Variants in DPYSL2 observed in about 807,000 individuals in gnomAD.
The protein encoded by DPYSL2 is dihydropyrimidinase-related protein 2.
Under a neutral mutation model 69.9 loss-of-function variants are expected in DPYSL2, and 13 were observed. The observed-to-expected ratio is 0.19, with a 90% CI of 0.12 to 0.30. DPYSL2 has a LOEUF of 0.30. Among genes scored for constraint, DPYSL2 ranks in the 10% least tolerant of loss-of-function variants. The pLI is 1.00. For missense variants in DPYSL2, 587 were observed against 918.9 expected (o/e 0.64, Z 4.67); for synonymous variants, 326 against 359.1 (o/e 0.91, Z 1.04).
chr8:26,634,998 CA>C (rs1802876094), intron 8 of DPYSL2, 98 bp downstream of exon 8: 3 of 1,521,138 alleles, frequency 2.0e-6, no homozygotes, highest in Non-Finnish European at 2.7e-6. Flanking sequence ...ACCCTCATGC[CA>C]AGTGGGCCAC....
At chr8:26,581,323 T>A (rs1801488423) in intron 1 of DPYSL2, among the ~76,000 whole-genome samples, 1 of 152,156 alleles carries the variant, frequency 6.6e-6, no homozygotes, top group South Asian at 2.1e-4. Flanking sequence ...TTGTTGTTGT[T>A]TGTTTGTTTT....
Position 26,643,291 on chromosome 8 carries a change from T to G in DPYSL2, c.1127-148T>G. 1 of 820,460 alleles carries G rather than the reference T, an allele frequency of 1.2e-6. No homozygotes were observed. Among genetic ancestry groups the G allele is most frequent in the Non-Finnish European group, 1.8e-6 (1 of 550,588 alleles). 50.8% of individuals were successfully genotyped at this position (820,460 alleles called of 1,614,324 possible). A position where few individuals can be genotyped will look rare whatever the true frequency, so the allele number is the denominator to read the frequency against. ...GGTACTGAATTTCTCCAAGTCTCAGTTTCCTCATCTGCGAGATGAGCCTGA... is the reference window on the plus strand; with the variant it reads ...GGTACTGAATTTCTCCAAGTCTCAGGTTCCTCATCTGCGAGATGAGCCTGA... On this transcript the variant is annotated intron_variant, in intron 8 of 13. Transcript: ENST00000521913. This position sits in a 1 kb window ranked among gnomAD's most constrained non-coding sequence, Gnocchi z 6.5.
chr8:26,571,886 CA>C lies in DPYSL2; in HGVS notation c.355-10080del, dbSNP rs1801242196. On this transcript the variant is annotated intron_variant, in intron 1 of 13. Coordinates refer to ENST00000521913, the MANE Select transcript of DPYSL2 (RefSeq NM_001197293.3). This position sits in a 1 kb window ranked among gnomAD's most constrained non-coding sequence, Gnocchi z 6.1. The stretch of plus-strand genomic sequence containing the variant: ...CTCTGACCCTTCAGAGCTACACACA[CA>C]AAGAAAACGATCGTCATTGCCTGAT... Among the ~76,000 whole-genome samples the C allele has an allele frequency of 6.6e-6, 1 of 152,330 alleles. No individual in the cohort carries two copies. The highest frequency in any genetic ancestry group is 2.1e-4 in the South Asian group (1 of 4,826).
At position 26,560,183 on chromosome 8, in the gene DPYSL2, C is replaced by A. The variant is rs1211827074; in HGVS notation, c.355-21786C>A. Among the ~76,000 whole-genome samples, 3 of 152,164 alleles carry A rather than the reference C, an allele frequency of 2.0e-5. No individual in the cohort carries two copies. Among genetic ancestry groups the A allele is most frequent in the Non-Finnish European group, 1.5e-5 (1 of 68,024 alleles). ...ACGCGACCATTCCCGACGGCCTTGGCAGCTCACTCTGCCTGAACCTGGGTG... is the reference window on the plus strand; with the variant it reads ...ACGCGACCATTCCCGACGGCCTTGGAAGCTCACTCTGCCTGAACCTGGGTG... On this transcript the variant is annotated intron_variant, in intron 1 of 13. Transcript: ENST00000521913. The surrounding 1 kb of genome is among the most constrained non-coding windows in gnomAD (Gnocchi z 4.4).
chr8:26,542,358 T>C (rs1012196666), intron 1 of DPYSL2, among the ~76,000 whole-genome samples: 10 of 152,160 alleles, frequency 6.6e-5, no homozygotes, highest in African/African-American at 1.4e-4. Flanking sequence ...GATCAAGTCA[T>C]ATGCTGTCTA....
At chr8:26,622,359 A>T (rs542048845) in intron 3 of DPYSL2, among the ~76,000 whole-genome samples, 105 of 152,082 alleles carry the variant, frequency 6.9e-4, no homozygotes, top group African/African-American at 2.5e-3. Context: ...GATACCAGAT[A>T]TGTGTGTACC....
At chr8:26,572,173 T>G (rs1376790192) in intron 1 of DPYSL2, among the ~76,000 whole-genome samples, 1 of 152,198 alleles carries the variant, frequency 6.6e-6, no homozygotes, top group Non-Finnish European at 1.5e-5. Flanking sequence ...TTCTGAACAT[T>G]GCACTAACGC....
chr8:26,540,630 G>T (rs1800664336), intron 1 of DPYSL2, among the ~76,000 whole-genome samples: 1 of 152,148 alleles, frequency 6.6e-6, no homozygotes, highest in Admixed American at 6.5e-5. Context: ...TTTAGGCCAG[G>T]CATGGTGGCT....
At chr8:26,520,800 A>G (rs980149235) in intron 1 of DPYSL2, among the ~76,000 whole-genome samples, 5 of 152,166 alleles carry the variant, frequency 3.3e-5, no homozygotes, top group Non-Finnish European at 7.3e-5. Context: ...GGGAAGTCTA[A>G]GATCAATATG....
At chr8:26,570,642 G>A (rs998288089) in intron 1 of DPYSL2, among the ~76,000 whole-genome samples, 2 of 149,856 alleles carry the variant, frequency 1.3e-5, no homozygotes, top group Non-Finnish European at 3.0e-5. Flanking sequence ...GCTGAGGCAT[G>A]AGAATCACTT....
At chr8:26,568,903 A>G (rs544145687) in intron 1 of DPYSL2, among the ~76,000 whole-genome samples, 1 of 151,342 alleles carries the variant, frequency 6.6e-6, no homozygotes, top group East Asian at 1.9e-4. Flanking sequence ...TCATGATTGG[A>G]CCTCCAGGCA....
intron 3 of DPYSL2, among the ~76,000 whole-genome samples, chr8:26,592,769 G>A (rs995159536): frequency 7.2e-5 from 11 of 152,190 alleles, no homozygotes. Flanking sequence ...GTCCCACTGT[G>A]CCCGGCCGGT....
intron 1 of DPYSL2, among the ~76,000 whole-genome samples, chr8:26,538,836 A>G (rs1442382566): frequency 6.6e-6 from 1 of 152,204 alleles, no homozygotes; most frequent in African/African-American, 2.4e-5. Flanking sequence ...TGGGCATGAC[A>G]TTCCCCCAGT....
At chr8:26,530,128 A>T (rs1297013828) in intron 1 of DPYSL2, among the ~76,000 whole-genome samples, 1 of 151,316 alleles carries the variant, frequency 6.6e-6, no homozygotes, top group Non-Finnish European at 1.5e-5. Flanking sequence ...AAAAAAAAAA[A>T]AAAAAAAGGA....
intron 3 of DPYSL2, among the ~76,000 whole-genome samples, chr8:26,622,090 T>TTTCCTTTC (rs1802495313): frequency 1.6e-5 from 1 of 64,376 alleles, no homozygotes; most frequent in Non-Finnish European, 3.2e-5. Context: ...TCTTTCTTTC[T>TTTCCTTTC]TTCCTTCCTT....
At chr8:26,628,206 GAC>G (rs935970253) in intron 7 of DPYSL2, among the ~76,000 whole-genome samples, 1 of 152,232 alleles carries the variant, frequency 6.6e-6, no homozygotes, top group African/African-American at 2.4e-5. Context: ...TGCTTGTATA[GAC>G]ACAAACAGTT....
At chr8:26,625,079 G>A (rs1345005296) in intron 4 of DPYSL2, among the ~76,000 whole-genome samples, 5 of 152,252 alleles carry the variant, frequency 3.3e-5, no homozygotes, top group African/African-American at 1.2e-4. Flanking sequence ...TGAGTGACAT[G>A]GCAAGAGGGA....
intron 1 of DPYSL2, among the ~76,000 whole-genome samples, chr8:26,544,799 T>TA (rs915755011): frequency 1.3e-5 from 2 of 152,184 alleles, no homozygotes; most frequent in Non-Finnish European, 2.9e-5. Flanking sequence ...AGGTTGACAG[T>TA]AAAGGGATAG....
At position 26,657,986 on chromosome 8, in the gene DPYSL2, C is replaced by T. The variant is rs561581913; in HGVS notation, c.*2280C>T. On this transcript the variant is annotated 3_prime_UTR_variant, in exon 14 of 14. Coordinates refer to ENST00000521913, the MANE Select transcript of DPYSL2 (RefSeq NM_001197293.3). ...TAATCCTGGAAATTGTGATTGTGAC[C>T]CATGAGTGGAGGAACTTTCAGTTCT... is the stretch of plus-strand genomic sequence containing the variant. The T allele has an allele frequency of 6.6e-6, 1 of 152,408 alleles. No homozygotes were observed. The highest frequency in any genetic ancestry group is 2.4e-5 in the African/African-American group (1 of 41,384). The allele number at this position is 152,408 out of a possible 1,614,324, so 9.4% of individuals were successfully genotyped here.
Sources: gnomAD v4.1 joint callset for allele counts (sites outside exome capture counted in the v4.1 genomes callset) on GRCh38, gnomAD v4.1.1 for gene constraint, Gnocchi (gnomAD v3.1) non-coding constraint, MANE v1.5 for transcripts, NCBI Gene and HGNC (gene_info 2026-07-23, HGNC 2026-07-21) for gene names.